The following IQCM variants were observed in gnomAD, a reference collection of about 807,000 sequenced individuals.
IQCM encodes IQ domain-containing protein M.
Under a neutral mutation model 57.6 loss-of-function variants are expected in IQCM, and 45 were observed. The ratio of observed to expected loss-of-function variants is 0.78; its 90% CI spans 0.62 to 1.00. IQCM has a LOEUF of 1.00. IQCM is among the 50% of genes least tolerant of loss of function. The probability of loss-of-function intolerance (pLI) is 0.00; values close to 1 mark genes in which losing one functional copy is unlikely to be tolerated. For missense variants in IQCM, 468 were observed against 511.6 expected (o/e 0.91, Z 0.82); for synonymous variants, 148 against 158.9 (o/e 0.93, Z 0.51).
At chr4:149,708,106 T>C (rs1488441696) in intron 5 of IQCM, among the ~76,000 whole-genome samples, 1 of 151,988 alleles carries the variant, frequency 6.6e-6, no homozygotes, top group South Asian at 2.1e-4. Flanking sequence ...ACCACCTTTC[T>C]TCTTTATCTT....
intron 12 of IQCM, among the ~76,000 whole-genome samples, chr4:149,547,181 T>G (rs1261627980): frequency 6.6e-6 from 1 of 152,168 alleles, no homozygotes; most frequent in Non-Finnish European, 1.5e-5. Flanking sequence ...TTGGTCTATA[T>G]CTCTGTTTTG....
intron 7 of IQCM, among the ~76,000 whole-genome samples, chr4:149,648,227 A>C (rs550259401): frequency 6.6e-6 from 1 of 151,950 alleles, no homozygotes; most frequent in Non-Finnish European, 1.5e-5. Context: ...TATTTTTTCC[A>C]TTGGTTTTTG....
intron 12 of IQCM, among the ~76,000 whole-genome samples, chr4:149,499,566 A>T (rs1743024355): frequency 6.6e-6 from 1 of 152,174 alleles, no homozygotes; most frequent in African/African-American, 2.4e-5. Context: ...GATGACTAAC[A>T]GCTTACCTCA....
intron 12 of IQCM, among the ~76,000 whole-genome samples, chr4:149,547,675 A>G (rs1748594518): frequency 6.6e-6 from 1 of 152,204 alleles, no homozygotes; most frequent in African/African-American, 2.4e-5. Flanking sequence ...TTACATACAC[A>G]AACAGTGACT....
chr4:149,672,096 T>C (rs1391600972), intron 7 of IQCM, among the ~76,000 whole-genome samples: 3 of 151,980 alleles, frequency 2.0e-5, no homozygotes, highest in Non-Finnish European at 4.4e-5. Flanking sequence ...AGAAAGGACA[T>C]CCACACCAAA....
At chr4:149,736,580 C>T (rs552996163) in intron 3 of IQCM, among the ~76,000 whole-genome samples, 31 of 152,234 alleles carry the variant, frequency 2.0e-4, no homozygotes, top group African/African-American at 6.7e-4. Flanking sequence ...CTACTCTTCA[C>T]CCACTCAAAT....
intron 7 of IQCM, among the ~76,000 whole-genome samples, chr4:149,672,240 C>T (rs963251737): frequency 1.3e-5 from 2 of 152,122 alleles, no homozygotes; most frequent in African/African-American, 2.4e-5. Flanking sequence ...CGCAGCTCCT[C>T]GCCAGCAACG....
At chr4:149,521,553 A>G (rs1489641517) in intron 12 of IQCM, among the ~76,000 whole-genome samples, 6 of 152,218 alleles carry the variant, frequency 3.9e-5, no homozygotes, top group Admixed American at 1.3e-4. Flanking sequence ...GTCAAAATGT[A>G]ATCCAGATGT....
chr4:149,504,832 G>A (rs2149797696), intron 12 of IQCM, among the ~76,000 whole-genome samples: 1 of 152,270 alleles, frequency 6.6e-6, no homozygotes, highest in Non-Finnish European at 1.5e-5. Flanking sequence ...AGAATCGCTT[G>A]AGCCCAGGAG....
intron 7 of IQCM, among the ~76,000 whole-genome samples, chr4:149,675,650 G>C (rs1761687684): frequency 6.6e-6 from 1 of 151,942 alleles, no homozygotes; most frequent in African/African-American, 2.4e-5. Context: ...AGGTACCCTG[G>C]AAGTCCTAGG....
chr4:149,701,431 G>T (rs1018525593), intron 5 of IQCM, among the ~76,000 whole-genome samples: 1 of 151,982 alleles, frequency 6.6e-6, no homozygotes, highest in African/African-American at 2.4e-5. Context: ...GGGCAGGGCC[G>T]CTAAACATAG....
rs1750658232 is a variant in IQCM at position 149,566,601 on chromosome 4, A to C, written c.750-2711T>G. On this transcript the variant is annotated intron_variant, in intron 9 of 13. Transcript: ENST00000636793. ...GAGAGAATTGAAAGTTATTTGGGGT[A>C]AAAGCTGTAGCTAATATGAGTGATC... 2.0e-5 allele frequency among the ~76,000 whole-genome samples: 3 copies of C among 152,198 alleles called. No homozygotes were observed. In the South Asian group the frequency reaches 6.2e-4, roughly 31 times the overall value.
At chr4:149,646,881 G>A (rs1758682992) in intron 7 of IQCM, among the ~76,000 whole-genome samples, 1 of 152,148 alleles carries the variant, frequency 6.6e-6, no homozygotes, top group Middle Eastern at 3.2e-3. Flanking sequence ...CTACTCAGGA[G>A]GCTGAGGCAG....
intron 13 of IQCM, among the ~76,000 whole-genome samples, chr4:149,358,649 ATAT>A (rs1560771025): frequency 6.6e-6 from 1 of 152,138 alleles, no homozygotes; most frequent in Non-Finnish European, 1.5e-5. Flanking sequence ...CCTGGATAAT[ATAT>A]TAAATATATT....
chr4:149,564,771 G>A (rs1750452633), intron 9 of IQCM, among the ~76,000 whole-genome samples: 2 of 151,770 alleles, frequency 1.3e-5, no homozygotes, highest in African/African-American at 4.8e-5. Context: ...GGCCTATCGT[G>A]GGACCTCCTT....
chr4:149,689,317 C>G (rs1762775911), intron 5 of IQCM, among the ~76,000 whole-genome samples: 1 of 151,926 alleles, frequency 6.6e-6, no homozygotes, highest in South Asian at 2.1e-4. Flanking sequence ...GAACAGAAAA[C>G]CAAACACTGC....
chr4:149,533,917 T>G (rs993053655), intron 12 of IQCM, among the ~76,000 whole-genome samples: 3 of 152,106 alleles, frequency 2.0e-5, no homozygotes, highest in Non-Finnish European at 2.9e-5. Flanking sequence ...ACAAACTATC[T>G]TAATATGAAC....
intron 5 of IQCM, among the ~76,000 whole-genome samples, chr4:149,728,822 T>G (rs1267082857): frequency 6.6e-6 from 1 of 152,070 alleles, no homozygotes; most frequent in African/African-American, 2.4e-5. Flanking sequence ...ACACCTTTCC[T>G]CTCCCCAAAG....
chr4:149,562,350 G>C (rs1012235263), intron 10 of IQCM, among the ~76,000 whole-genome samples: 1 of 152,198 alleles, frequency 6.6e-6, no homozygotes, highest in Non-Finnish European at 1.5e-5. Flanking sequence ...TTCAACAAAT[G>C]TCATGAAAGT....
Sources: allele counts gnomAD v4.1 joint callset (sites outside exome capture counted in the v4.1 genomes callset), GRCh38; gene constraint gnomAD v4.1.1; transcripts MANE v1.5; gene names NCBI Gene and HGNC (gene_info 2026-07-23, HGNC 2026-07-21).